Variants in TOX observed in about 807,000 individuals in gnomAD.
The protein encoded by TOX is thymocyte selection associated high mobility group box.
In TOX, 11 loss-of-function variants were observed where a neutral mutation model predicts 53.7. That is an observed-to-expected ratio of 0.20 (90% CI 0.13 to 0.34). The LOEUF (loss-of-function observed/expected upper bound fraction) is 0.34, where lower values mean the gene tolerates loss of function less well. Ranked by LOEUF, TOX falls within the 10% of genes least tolerant of loss-of-function variation. The pLI is 1.00. For synonymous variants in TOX, 225 were observed against 245.3 expected (o/e 0.92, Z 0.77); for missense variants, 570 against 664.6 (o/e 0.86, Z 1.56).
At chr8:58,936,835 C>T (rs1028383829) in intron 3 of TOX, among the ~76,000 whole-genome samples, 2 of 152,164 alleles carry the variant, frequency 1.3e-5, no homozygotes, top group South Asian at 2.1e-4. Context: ...ACATCATTAA[C>T]GAGACCTATA....
At chr8:59,070,651 C>T (rs1029333033) in intron 1 of TOX, among the ~76,000 whole-genome samples, 36 of 151,998 alleles carry the variant, frequency 2.4e-4, no homozygotes, top group African/African-American at 5.3e-4. Flanking sequence ...GAGAGAGATG[C>T]GTCCTCTACT....
At chr8:58,914,632 T>C (rs1266561117) in intron 3 of TOX, among the ~76,000 whole-genome samples, 1 of 152,032 alleles carries the variant, frequency 6.6e-6, no homozygotes, top group Non-Finnish European at 1.5e-5. Context: ...AGTATCCTTC[T>C]CCCCCACAAA....
chr8:58,828,628 G>A lies in TOX; in HGVS notation c.925-1726C>T, dbSNP rs1264409525. Among the ~76,000 whole-genome samples the A allele has an allele frequency of 5.9e-5, 9 of 151,928 alleles. No individual in the cohort carries two copies. In the East Asian group the frequency reaches 7.7e-4, roughly 13 times the overall value. On this transcript the variant is annotated intron_variant, in intron 5 of 8. Transcript: ENST00000361421. ...GTGAAAACAAATAAATGCTAAAGTCGAGTAAGTGCCTTTGAACAGTGTGAT... is the reference window on the plus strand; with the variant it reads ...GTGAAAACAAATAAATGCTAAAGTCAAGTAAGTGCCTTTGAACAGTGTGAT...
In TOX at chr8:58,847,324, A is replaced by G. The variant is rs745964317; in HGVS notation, c.693+4200T>C. ...TACAAGAATAAAAGAGATTAAATAC[A>G]TGGGTAAAGAGCAAGCAACTAAAGA... On this transcript the variant is annotated intron_variant, in intron 4 of 8. Coordinates refer to ENST00000361421, the MANE Select transcript of TOX (RefSeq NM_014729.3). Among the ~76,000 whole-genome samples, 15 of 152,296 alleles carry G rather than the reference A, an allele frequency of 9.8e-5. No individual in the cohort carries two copies. The East Asian group carries it at 2.9e-3, about 29-fold the overall frequency.
At chr8:59,048,495 T>C (rs1177985298) in intron 1 of TOX, among the ~76,000 whole-genome samples, 2 of 152,108 alleles carry the variant, frequency 1.3e-5, no homozygotes, top group Admixed American at 6.5e-5. Flanking sequence ...AACATATAAA[T>C]AACAGAGCAA....
At chr8:58,855,005 G>C (rs1188759495) in intron 3 of TOX, among the ~76,000 whole-genome samples, 3 of 152,106 alleles carry the variant, frequency 2.0e-5, no homozygotes, top group Admixed American at 6.5e-5. Flanking sequence ...CTACAGCTCT[G>C]TCATGTCAAA....
chr8:58,986,797 G>T (rs1314895978), intron 1 of TOX, among the ~76,000 whole-genome samples: 1 of 152,118 alleles, frequency 6.6e-6, no homozygotes, highest in Non-Finnish European at 1.5e-5. Flanking sequence ...GCCGATAAAT[G>T]ATACACTCAC....
chr8:58,808,300 A>C (rs752939715), intron 7 of TOX, 31 bp from the exon 8 acceptor site: 202 of 1,582,388 alleles, frequency 1.3e-4, no homozygotes, highest in Non-Finnish European at 1.6e-4. Flanking sequence ...GCAAATAAGG[A>C]TCAAAATGCA....
At chr8:59,026,402 T>A (rs1814239085) in intron 1 of TOX, among the ~76,000 whole-genome samples, 1 of 152,142 alleles carries the variant, frequency 6.6e-6, no homozygotes, top group African/African-American at 2.4e-5. Context: ...TACAAACATC[T>A]CATTTTTTTA....
intron 5 of TOX, 125 bp from the exon 6 acceptor site, chr8:58,827,027 T>A (rs1810377438): frequency 6.0e-6 from 3 of 502,624 alleles, no homozygotes; most frequent in Non-Finnish European, 9.1e-6. Flanking sequence ...ATAATATATA[T>A]CTCCCCAAAG....
intron 1 of TOX, among the ~76,000 whole-genome samples, chr8:58,975,842 G>C (rs182328588): frequency 6.6e-6 from 1 of 152,246 alleles, no homozygotes; most frequent in African/African-American, 2.4e-5. Context: ...GGGTGGCCGA[G>C]GCGGGTGGAT....
At chr8:59,004,455 G>A (rs751736110) in intron 1 of TOX, among the ~76,000 whole-genome samples, 13 of 152,016 alleles carry the variant, frequency 8.6e-5, no homozygotes, top group African/African-American at 1.2e-4. Flanking sequence ...TCATTCTAAG[G>A]GCTAACATAT....
In TOX at chr8:58,815,352, G is replaced by A. The variant is rs376655297; in HGVS notation, c.1378C>T (p.Pro460Ser). Reference protein sequence around the residue: ...PMQVQSALHSPTMQQGFTLQP... With the variant: ...PMQVQSALHSSTMQQGFTLQP... ...ATTGCACTTACTTGCTGCATGGTGG[G>A]TGAGTGTAAGGCAGACTGGACCTGC... The change falls in exon 7 of 9, where the codon CCC (proline) becomes TCC (serine). Residue 460 changes from proline (P) to serine (S), a missense_variant. Physicochemically the swap from Pro to Ser is moderately conservative, Grantham distance 74. Around this residue, in one of 3 missense-constraint regions of TOX, gnomAD observed 239 missense variants for 250.7 expected, o/e 0.95. Transcript: ENST00000361421. 6.2e-7 allele frequency: 1 copy of A among 1,600,738 alleles called. No homozygotes were observed. The highest frequency in any genetic ancestry group is 1.3e-5 in the African/African-American group (1 of 74,904).
chr8:58,908,283 T>C (rs904812746), intron 3 of TOX, among the ~76,000 whole-genome samples: 3 of 152,166 alleles, frequency 2.0e-5, no homozygotes, highest in Non-Finnish European at 4.4e-5. Flanking sequence ...TTTAACCTTT[T>C]ACACGTAACC....
At chr8:59,066,756 A>G (rs1442611819) in intron 1 of TOX, among the ~76,000 whole-genome samples, 1 of 152,218 alleles carries the variant, frequency 6.6e-6, no homozygotes, top group Non-Finnish European at 1.5e-5. Context: ...GTTAAGAAAG[A>G]AGTGAACGAA....
intron 6 of TOX, among the ~76,000 whole-genome samples, chr8:58,821,228 T>C (rs985798506): frequency 1.3e-4 from 20 of 152,116 alleles, no homozygotes; most frequent in Non-Finnish European, 2.9e-4. Context: ...TATATCAAAG[T>C]AGCCTTTGAT....
chr8:59,002,993 C>G (rs1043794675), intron 1 of TOX, among the ~76,000 whole-genome samples: 3 of 152,114 alleles, frequency 2.0e-5, no homozygotes, highest in Non-Finnish European at 2.9e-5. Flanking sequence ...ATATTGAAAC[C>G]TGTGTTTCAA....
chr8:58,883,689 G>A (rs1811422538), intron 3 of TOX, among the ~76,000 whole-genome samples: 1 of 151,920 alleles, frequency 6.6e-6, no homozygotes, highest in Non-Finnish European at 1.5e-5. Context: ...ACAAAGTATG[G>A]AATGTAGGAT....
chr8:58,818,717 G>A (rs536052961), intron 6 of TOX, among the ~76,000 whole-genome samples: 1 of 152,288 alleles, frequency 6.6e-6, no homozygotes, highest in Non-Finnish European at 1.5e-5. Context: ...GGAAGGATCT[G>A]AAGGCTTGGA....
Sources: allele counts gnomAD v4.1 joint callset (sites outside exome capture counted in the v4.1 genomes callset), GRCh38; gene constraint gnomAD v4.1.1; regional missense constraint gnomAD v4.1.1; transcripts MANE v1.5; gene names NCBI Gene and HGNC (gene_info 2026-07-23, HGNC 2026-07-21).